Variants in CUBN observed in about 807,000 individuals in gnomAD.
The protein encoded by CUBN is 460 kDa receptor.
Under a neutral mutation model 405.3 loss-of-function variants are expected in CUBN, and 282 were observed. The ratio of observed to expected loss-of-function variants is 0.70; its 90% CI spans 0.63 to 0.77. The LOEUF is 0.77. Among genes scored for constraint, CUBN ranks in the 30% least tolerant of loss-of-function variants. CUBN has a pLI of 0.00. For missense variants in CUBN, 4,514 were observed against 4,475.2 expected (o/e 1.01, Z -0.25); for synonymous variants, 1,684 against 1,617.0 (o/e 1.04, Z -0.99).
In CUBN at chr10:17,111,254, T is replaced by C. The variant is rs1023643927; in HGVS notation, c.884-204A>G. ...AGTGGGCAAATGGGCTCCTCTTATA[T>C]GCTGATAGCTAGACATTAAATTGAT... On this transcript the variant is annotated intron_variant, in intron 8 of 66. Transcript: ENST00000377833. Among the ~76,000 whole-genome samples the C allele has an allele frequency of 2.0e-5, 3 of 152,248 alleles. No homozygotes were observed. In the South Asian group the frequency reaches 6.2e-4, roughly 31 times the overall value.
chr10:16,890,807 GT>G (rs1203163127), intron 54 of CUBN, among the ~76,000 whole-genome samples: 1 of 152,112 alleles, frequency 6.6e-6, no homozygotes, highest in African/African-American at 2.4e-5. Flanking sequence ...TCACTGTTCG[GT>G]TTCCTCATAA....
At chr10:16,858,087 G>GTA (rs1463191087) in intron 59 of CUBN, among the ~76,000 whole-genome samples, 15 of 151,904 alleles carry the variant, frequency 9.9e-5, no homozygotes, top group Non-Finnish European at 2.1e-4. Context: ...AAATATTTAG[G>GTA]TATATACTTA....
chr10:16,892,937 A>G (rs754075897), intron 54 of CUBN, among the ~76,000 whole-genome samples: 1 of 152,236 alleles, frequency 6.6e-6, no homozygotes. Flanking sequence ...TATAGATTCG[A>G]CAACTCTACC....
At chr10:17,103,047 A>G (rs1836533876) in intron 13 of CUBN, 78 bp downstream of exon 13, 1 of 835,564 alleles carries the variant, frequency 1.2e-6, no homozygotes, top group Non-Finnish European at 2.0e-6. Flanking sequence ...CATGTATTTT[A>G]TGTAATAAAA....
At chr10:16,939,181 A>T (rs756079548) in intron 37 of CUBN, 34 bp from the exon 38 acceptor site, 1 of 1,520,738 alleles carries the variant, frequency 6.6e-7, no homozygotes, top group African/African-American at 1.4e-5. Context: ...AATCAGACCC[A>T]CTTAGAATTG....
Position 16,925,566 on chromosome 10 carries a change from G to C in CUBN, c.6462+18C>G. The C allele has an allele frequency of 1.1e-5, 18 of 1,613,512 alleles. No homozygotes were observed. Among genetic ancestry groups the C allele is most frequent in the Non-Finnish European group, 1.5e-5 (18 of 1,179,788 alleles). The stretch of plus-strand genomic sequence containing the variant: ...GTCTATGGAAAATGTAATTAGAAAG[G>C]GTAGCAGCAAGACCTACCACCAAGT... On this transcript the variant is annotated intron_variant, in intron 42 of 66. Transcript: ENST00000377833.
At chr10:16,951,343 G>A (rs1363840132) in intron 33 of CUBN, among the ~76,000 whole-genome samples, 2 of 152,196 alleles carry the variant, frequency 1.3e-5, no homozygotes, top group Non-Finnish European at 1.5e-5. Flanking sequence ...CATCCCAGGG[G>A]AAAGTGCTAG....
At chr10:17,005,171 C>T (rs920670973) in intron 28 of CUBN, among the ~76,000 whole-genome samples, 18 of 152,144 alleles carry the variant, frequency 1.2e-4, no homozygotes, top group African/African-American at 4.1e-4. Context: ...AATCCAAATT[C>T]TTGTGATGTT....
chr10:16,944,522 C>T (rs905646417), intron 36 of CUBN, among the ~76,000 whole-genome samples: 4 of 152,182 alleles, frequency 2.6e-5, no homozygotes, highest in Non-Finnish European at 5.9e-5. Context: ...TCACACACCC[C>T]AGGGTAATGT....
chr10:16,883,916 T>C (rs1159389446), intron 56 of CUBN, among the ~76,000 whole-genome samples: 1 of 152,234 alleles, frequency 6.6e-6, no homozygotes, highest in Non-Finnish European at 1.5e-5. Context: ...ATTTCTAAAT[T>C]CCTCATTATC....
At chr10:17,092,723 A>C (rs1836293168) in intron 14 of CUBN, among the ~76,000 whole-genome samples, 1 of 152,090 alleles carries the variant, frequency 6.6e-6, no homozygotes, top group Non-Finnish European at 1.5e-5. Context: ...AAGAAGAGGA[A>C]CCCTCAGTTC....
At chr10:16,925,119 G>A (rs1842144630) in intron 43 of CUBN, 122 bp downstream of exon 43, 7 of 723,854 alleles carry the variant, frequency 9.7e-6, no homozygotes, top group Non-Finnish European at 1.7e-5. Flanking sequence ...AATATAATAA[G>A]TACTTGAGAG....
rs117570588 is a variant in CUBN, at chr10:16,835,094, G to A, written c.10282C>T (p.Pro3428Ser). The A allele has an allele frequency of 8.7e-5, 141 of 1,614,080 alleles. No homozygotes were observed. The highest frequency in any genetic ancestry group is 7.8e-4 in the Admixed American group (47 of 60,014). Reference protein sequence around the residue: ...DKDCTVTLTAPQNHTISLFFH... With the variant: ...DKDCTVTLTASQNHTISLFFH... The stretch of plus-strand genomic sequence containing the variant: ...AAGAGGGAAATGGTGTGGTTCTGGG[G>A]GGCTGTGAGAGTAACGGTGCAATCC... Residue 3428 changes from proline (P) to serine (S), a missense_variant, in exon 64 of 67, where the codon CCC becomes TCC. Pro to Ser is a moderately conservative substitution (Grantham distance 74, BLOSUM62 -1). Around this residue, in one of 5 missense-constraint regions of CUBN, gnomAD observed 1,186 missense variants for 1,186.9 expected, o/e 1.00. Transcript: ENST00000377833.
intron 41 of CUBN, among the ~76,000 whole-genome samples, chr10:16,927,436 T>G (rs1842224613): frequency 6.6e-6 from 1 of 152,218 alleles, no homozygotes; most frequent in African/African-American, 2.4e-5. Flanking sequence ...ACACAACTTA[T>G]CTTCAGTTGC....
intron 31 of CUBN, among the ~76,000 whole-genome samples, chr10:16,967,530 G>GA (rs1843425735): frequency 1.3e-5 from 2 of 152,230 alleles, no homozygotes; most frequent in South Asian, 4.1e-4. Flanking sequence ...TTGTTAATAA[G>GA]ACACCCGCAC....
At chr10:16,976,709 T>C (rs1234425190) in intron 31 of CUBN, among the ~76,000 whole-genome samples, 2 of 152,184 alleles carry the variant, frequency 1.3e-5, no homozygotes, top group African/African-American at 4.8e-5. Flanking sequence ...GAGTGTCCTC[T>C]ATGTGTCTTA....
chr10:17,002,708 G>A (rs1833925337), intron 28 of CUBN, among the ~76,000 whole-genome samples: 1 of 152,212 alleles, frequency 6.6e-6, no homozygotes, highest in Admixed American at 6.5e-5. Context: ...CAGCTTTAAT[G>A]CTGCCTCTGA....
In CUBN at chr10:16,971,427, A is replaced by G. The variant is rs61841476; in HGVS notation, c.4695+11057T>C. Among the ~76,000 whole-genome samples, 997 of 152,346 alleles carry G rather than the reference A, an allele frequency of 6.5e-3. 7 individuals are homozygous for G. The highest frequency in any genetic ancestry group is 0.02 in the South Asian group (96 of 4,828). On this transcript the variant is annotated intron_variant, in intron 31 of 66. Coordinates refer to ENST00000377833, the MANE Select transcript of CUBN (RefSeq NM_001081.4). Reference sequence around the variant, plus strand: ...GCCTGGTCTGGTTCCAAACCTCTGCAGACCTCCTGTCCCCTTAAGTGGGCA... The same window carrying G: ...GCCTGGTCTGGTTCCAAACCTCTGCGGACCTCCTGTCCCCTTAAGTGGGCA...
intron 36 of CUBN, 52 bp downstream of exon 36, chr10:16,947,183 T>C: frequency 6.3e-7 from 1 of 1,599,502 alleles, no homozygotes; most frequent in Non-Finnish European, 8.6e-7. Context: ...CCAGAACTTC[T>C]TTCCTACAGA....
Sources: allele counts gnomAD v4.1 joint callset (sites outside exome capture counted in the v4.1 genomes callset), GRCh38; gene constraint gnomAD v4.1.1; regional missense constraint gnomAD v4.1.1; transcripts MANE v1.5; gene names NCBI Gene and HGNC (gene_info 2026-07-23, HGNC 2026-07-21).